Variants in MUC17 observed in about 807,000 individuals in gnomAD.
MUC17 encodes the protein mucin 17, cell surface associated, also known as mucin-17.
In MUC17, 190 loss-of-function variants were observed where a neutral mutation model predicts 170.3. The observed-to-expected ratio is 1.12, with a 90% CI of 0.99 to 1.26. The LOEUF (loss-of-function observed/expected upper bound fraction) is 1.26. Among genes scored for constraint, MUC17 ranks in the 50% most tolerant of loss-of-function variants. MUC17 has a pLI of 0.00. For synonymous variants in MUC17, 2,325 were observed against 2,002.5 expected (o/e 1.16, Z -4.30); for missense variants, 6,415 against 5,530.0 (o/e 1.16, Z -5.08).
At position 101,043,544 on chromosome 7, in the gene MUC17, G is replaced by T; in HGVS notation, c.12128G>T (p.Arg4043Leu). The T allele has an allele frequency of 6.2e-7, 1 of 1,614,014 alleles. No individual in the cohort carries two copies. Among genetic ancestry groups the T allele is most frequent in the Non-Finnish European group, 8.5e-7 (1 of 1,180,000 alleles). The change falls in exon 3 of 13, where the codon CGT becomes CTT. Residue 4043 changes from arginine to leucine, a missense_variant. Arg to Leu is a moderately radical substitution (Grantham distance 102). Coordinates refer to ENST00000306151, the MANE Select transcript of MUC17 (RefSeq NM_001040105.2). ...TPHTSTSVTTRPVTPSSESSR... is the reference protein window; with the variant it reads ...TPHTSTSVTTLPVTPSSESSR... ...CACACCTCTACTTCTGTCACCACCC[G>T]TCCTGTGACCCCTTCATCAGAATCC... is the stretch of plus-strand genomic sequence containing the variant.
chr7:101,039,523 C>A lies in MUC17; in HGVS notation c.8107C>A (p.Leu2703Met), dbSNP rs376414135. ...AACAAATATACTTGTCAGCACCACG[C>A]TGTTGGCCAATTCTGAGGCTAGCAC... Reference protein sequence around the residue: ...PLTNILVSTTLLANSEASTLS... With the variant: ...PLTNILVSTTMLANSEASTLS... Residue 2703 changes from leucine to methionine, a missense_variant, in exon 3 of 13, where the codon CTG becomes ATG. Coordinates refer to ENST00000306151, the MANE Select transcript of MUC17 (RefSeq NM_001040105.2). The A allele has an allele frequency of 6.2e-7, 1 of 1,611,898 alleles. No homozygotes were observed. Among genetic ancestry groups the A allele is most frequent in the Non-Finnish European group, 8.5e-7 (1 of 1,178,902 alleles).
At position 101,041,226 on chromosome 7, in the gene MUC17, C is replaced by A. The variant is rs1381264133; in HGVS notation, c.9810C>A (p.Ser3270Arg). ...CTCCTCCCACTGCTGAAGGTACCAG[C>A]ATGCCAACCTCAACTCCTAGTGAAG... ...SSSPPTAEGT[S>R]MPTSTPSEGS... is the part of the protein sequence containing the mutation. Residue 3270 changes from serine to arginine, a missense_variant, in exon 3 of 13, where the codon AGC (serine) becomes AGA (arginine). Ser to Arg is a moderately radical substitution (Grantham distance 110). Coordinates refer to ENST00000306151, the MANE Select transcript of MUC17 (RefSeq NM_001040105.2). The A allele has an allele frequency of 5.0e-6, 8 of 1,613,314 alleles. No individual in the cohort carries two copies. Among genetic ancestry groups the A allele is most frequent in the Non-Finnish European group, 6.8e-6 (8 of 1,179,598 alleles).
intron 2 of MUC17, 77 bp from the exon 3 acceptor site, chr7:101,031,524 G>A (rs1191454007): frequency 7.1e-7 from 1 of 1,408,944 alleles, no homozygotes; most frequent in African/African-American, 1.4e-5. Flanking sequence ...TCAGTAAAAA[G>A]CCCAACTACA....
At position 101,038,274 on chromosome 7, in the gene MUC17, C is replaced by T. The variant is rs763344835; in HGVS notation, c.6858C>T (p.Val2286=). 1.5e-5 allele frequency: 25 copies of T among 1,613,872 alleles called. No individual in the cohort carries two copies. Among genetic ancestry groups the T allele is most frequent in the Non-Finnish European group, 2.1e-5 (25 of 1,179,852 alleles). ...CGACTCCATTAACAAGTATACCTGTCAGCCACACGCTGGTGGCCAATTCTG... is the reference window on the plus strand; with the variant it reads ...CGACTCCATTAACAAGTATACCTGTTAGCCACACGCTGGTGGCCAATTCTG... The part of the protein sequence containing the change: ...EGTTPLTSIP[V]SHTLVANSEV... The change falls in exon 3 of 13, where the codon GTC becomes GTT. Residue 2286 remains valine (V), a synonymous_variant. Transcript: ENST00000306151.
rs769244163 is a variant in MUC17, at chr7:101,035,762, C to A, written c.4346C>A (p.Thr1449Asn). 2 of 1,610,714 alleles carry A rather than the reference C, an allele frequency of 1.2e-6. No homozygotes were observed. Among genetic ancestry groups the A allele is most frequent in the Admixed American group, 3.3e-5 (2 of 59,818 alleles). ...GAAGGTATCAGCATACCAACCTCAACTCCTAGTGAAGGAAAGACTCCATTA... is the reference window on the plus strand; with the variant it reads ...GAAGGTATCAGCATACCAACCTCAAATCCTAGTGAAGGAAAGACTCCATTA... ...TAEGISIPTSTPSEGKTPLKS... is the reference protein window; with the variant it reads ...TAEGISIPTSNPSEGKTPLKS... The change falls in exon 3 of 13, where the codon ACT becomes AAT. Residue 1449 changes from threonine (T) to asparagine (N), a missense_variant. Physicochemically the swap from Thr to Asn is moderately conservative, Grantham distance 65. Coordinates refer to ENST00000306151, the MANE Select transcript of MUC17 (RefSeq NM_001040105.2).
Position 101,043,083 on chromosome 7 carries a change from T to C in MUC17, c.11667T>C (p.Phe3889=), listed in dbSNP as rs938120869. Reference sequence around the variant, plus strand: ...TCAGCACCACACTTCCAACTAGCTTTCCTGGGGCCAGCATAGCTTCGACAC... The same window carrying C: ...TCAGCACCACACTTCCAACTAGCTTCCCTGGGGCCAGCATAGCTTCGACAC... ...LLVSTTLPTS[F]PGASIASTPP... The change falls in exon 3 of 13, where the codon TTT becomes TTC. Residue 3889 remains phenylalanine (F), a synonymous_variant. Coordinates refer to ENST00000306151, the MANE Select transcript of MUC17 (RefSeq NM_001040105.2). 6.2e-7 allele frequency: 1 copy of C among 1,614,068 alleles called. No homozygotes were observed. Among genetic ancestry groups the C allele is most frequent in the Admixed American group, 1.7e-5 (1 of 59,994 alleles).
chr7:101,056,409 C>G, intron 12 of MUC17, 139 bp downstream of exon 12: 1 of 1,348,388 alleles, frequency 7.4e-7, no homozygotes, highest in Non-Finnish European at 9.9e-7. Flanking sequence ...CAGGTCCATA[C>G]TGCCAGGAAA....
Position 101,057,501 on chromosome 7 carries a change from G to A in MUC17, c.13441-502G>A, listed in dbSNP as rs1412358783. ...CTCATGCCTGCAATCCCAGAACTTCGTGAGGCCAAGGCAGGAAGATTGTCT... is the reference window on the plus strand; with the variant it reads ...CTCATGCCTGCAATCCCAGAACTTCATGAGGCCAAGGCAGGAAGATTGTCT... On this transcript the variant is annotated intron_variant, in intron 12 of 12. Transcript: ENST00000306151. Among the ~76,000 whole-genome samples the A allele has an allele frequency of 2.6e-5, 4 of 152,172 alleles. No homozygotes were observed. The East Asian group carries it at 5.8e-4, about 22-fold the overall frequency.
chr7:101,053,694 A>G lies in MUC17; in HGVS notation c.13363+258A>G, dbSNP rs1188770442. On this transcript the variant is annotated intron_variant, in intron 11 of 12. Transcript: ENST00000306151. The stretch of plus-strand genomic sequence containing the variant: ...GGAGTTTGAGACCAGCCTGGACCAC[A>G]TAGTGAAACCCTGTCTCTACTGAAA... 7.2e-5 allele frequency: 21 copies of G among 292,474 alleles called. 1 individual carries two copies. The highest frequency in any genetic ancestry group is 1.0e-3 in the Middle Eastern group (1 of 974). 18.1% of individuals were successfully genotyped at this position (292,474 alleles called of 1,614,324 possible). A position where few individuals can be genotyped will look rare whatever the true frequency, so the allele number is the denominator to read the frequency against.
At position 101,050,216 on chromosome 7, in the gene MUC17, A is replaced by G. The variant is rs78283878; in HGVS notation, c.12723-268A>G. On this transcript the variant is annotated intron_variant, in intron 6 of 12. Coordinates refer to ENST00000306151, the MANE Select transcript of MUC17 (RefSeq NM_001040105.2). ...TCTTCATCGCTGAGGCTTCCCTAAG[A>G]CCTACCAGAGACTCCCTTTGTGGAA... Among the ~76,000 whole-genome samples, 2,342 of 152,192 alleles carry G rather than the reference A, an allele frequency of 0.015. 149 individuals carry two copies. The East Asian group carries it at 0.17, about 11-fold the overall frequency.
chr7:101,024,457 G>A (rs1794146781), intron 1 of MUC17, among the ~76,000 whole-genome samples: 1 of 151,780 alleles, frequency 6.6e-6, no homozygotes, highest in South Asian at 2.1e-4. Context: ...GGCAAGGGAG[G>A]AAACAAGTGA....
intron 2 of MUC17, 143 bp from the exon 3 acceptor site, chr7:101,031,458 G>C (rs1332572698): frequency 1.8e-6 from 2 of 1,082,702 alleles, no homozygotes; most frequent in Admixed American, 6.0e-5. Context: ...ACACACTGGA[G>C]AAACTAATTC....
chr7:101,040,509 T>G lies in MUC17; in HGVS notation c.9093T>G (p.Ala3031=). 1.2e-6 allele frequency: 2 copies of G among 1,611,690 alleles called. No homozygotes were observed. The highest frequency in any genetic ancestry group is 1.1e-5 in the South Asian group (1 of 90,890). ...STEASSSPTT[A]EGTGIPISTP... ...AAGCCAGTTCCTCTCCTACAACTGCTGAAGGTACCGGCATACCAATCTCAA... is the reference window on the plus strand; with the variant it reads ...AAGCCAGTTCCTCTCCTACAACTGCGGAAGGTACCGGCATACCAATCTCAA... Residue 3031 remains alanine (A), a synonymous_variant, in exon 3 of 13, where the codon GCT becomes GCG. Coordinates refer to ENST00000306151, the MANE Select transcript of MUC17 (RefSeq NM_001040105.2).
Position 101,032,478 on chromosome 7 carries a change from T to G in MUC17, c.1062T>G (p.Leu354=). 6.2e-7 allele frequency: 1 copy of G among 1,614,096 alleles called. No homozygotes were observed. The highest frequency in any genetic ancestry group is 8.5e-7 in the Non-Finnish European group (1 of 1,180,000). ...MPVATSEMST[L]SITPVDTSTL... ...TTGCCACTTCTGAAATGAGCACACTTTCAATAACTCCTGTTGACACCAGCA... is the reference window on the plus strand; with the variant it reads ...TTGCCACTTCTGAAATGAGCACACTGTCAATAACTCCTGTTGACACCAGCA... The change falls in exon 3 of 13, where the codon CTT becomes CTG. Residue 354 remains leucine (L), a synonymous_variant. Coordinates refer to ENST00000306151, the MANE Select transcript of MUC17 (RefSeq NM_001040105.2).
At position 101,056,178 on chromosome 7, in the gene MUC17, T is replaced by C. The variant is rs373713998; in HGVS notation, c.13364-16T>C. 5.0e-6 allele frequency: 8 copies of C among 1,613,662 alleles called. No homozygotes were observed. Among genetic ancestry groups the C allele is most frequent in the Admixed American group, 3.3e-5 (2 of 60,002 alleles). On this transcript the variant is annotated splice_polypyrimidine_tract_variant and intron_variant, in intron 11 of 12. Transcript: ENST00000306151. The stretch of plus-strand genomic sequence containing the variant: ...CTAACCTCCTGTTTCCATGGTGCTT[T>C]CCATCCCTCCACAAGATGATGATTC...
At position 101,033,911 on chromosome 7, in the gene MUC17, A is replaced by G. The variant is rs142236386; in HGVS notation, c.2495A>G (p.Asp832Gly). Residue 832 changes from aspartate to glycine, a missense_variant, in exon 3 of 13, where the codon GAC becomes GGC. Coordinates refer to ENST00000306151, the MANE Select transcript of MUC17 (RefSeq NM_001040105.2). The stretch of plus-strand genomic sequence containing the variant: ...AGCACCCTTTCAACAACTCCTGTTG[A>G]CTCCAACAGTCCTGTGACCACTTCT... ...EASTLSTTPVDSNSPVTTSTE... is the reference protein window; with the variant it reads ...EASTLSTTPVGSNSPVTTSTE... 69 of 1,613,388 alleles carry G rather than the reference A, an allele frequency of 4.3e-5. No homozygotes were observed. The African/African-American group carries it at 7.5e-4, about 17-fold the overall frequency.
At chr7:101,030,979 G>T in intron 1 of MUC17, 141 bp from the exon 2 acceptor site, 1 of 1,060,720 alleles carries the variant, frequency 9.4e-7, no homozygotes, top group Non-Finnish European at 1.3e-6. Context: ...GCAGGGTCCT[G>T]ATGGCTGATT....
chr7:101,048,252 GT>G, intron 4 of MUC17, 137 bp downstream of exon 4: 1 of 852,776 alleles, frequency 1.2e-6, no homozygotes, highest in Non-Finnish European at 1.6e-6. Flanking sequence ...GTTTTGTTTT[GT>G]TTTGTTTTGT....
intron 3 of MUC17, among the ~76,000 whole-genome samples, chr7:101,047,551 C>T (rs186811059): frequency 5.3e-4 from 80 of 152,208 alleles, no homozygotes; most frequent in Non-Finnish European, 9.9e-4. Context: ...GTGTCGGAGC[C>T]GGGCGCAGTG....
Sources: gnomAD v4.1 joint callset for allele counts (sites outside exome capture counted in the v4.1 genomes callset) on GRCh38, gnomAD v4.1.1 for gene constraint, MANE v1.5 for transcripts, NCBI Gene and HGNC (gene_info 2026-07-23, HGNC 2026-07-21) for gene names.